DNAH17: variants seen among roughly 807,000 people sequenced by gnomAD.
DNAH17 encodes the protein axonemal beta dynein heavy chain 17.
DNAH17 carries 376 observed loss-of-function variants against 485.6 expected under a neutral mutation model. The observed-to-expected ratio is 0.77, with a 90% CI of 0.71 to 0.84. DNAH17 has a LOEUF of 0.84. Among genes scored for constraint, DNAH17 ranks in the 40% least tolerant of loss-of-function variants. DNAH17 has a pLI of 0.00. For missense variants in DNAH17, 6,370 were observed against 5,839.3 expected (o/e 1.09, Z -2.96); for synonymous variants, 3,031 against 2,405.9 (o/e 1.26, Z -7.60).
intron 2 of DNAH17, among the ~76,000 whole-genome samples, chr17:78,573,809 A>G (rs2092395249): frequency 6.6e-6 from 1 of 151,602 alleles, no homozygotes; most frequent in African/African-American, 2.4e-5. Flanking sequence ...TCTAGCCTCC[A>G]GGACTGTGAG....
chr17:78,525,029 G>T lies in DNAH17; in HGVS notation c.3844C>A (p.Leu1282Ile). Residue 1282 changes from leucine (L) to isoleucine (I), a missense_variant, in exon 25 of 81, where the codon CTC becomes ATC. Leu to Ile is a conservative substitution (Grantham distance 5). Transcript: ENST00000389840. ...CHREVRLLKELWDMVVVVNTS... is the reference protein window; with the variant it reads ...CHREVRLLKEIWDMVVVVNTS... ...CTCACCACAACAACCATGTCCCAGA[G>T]CTCCTTCAGTAGGCGGACCTCCCGG... is the stretch of plus-strand genomic sequence containing the variant. 2.5e-6 allele frequency: 4 copies of T among 1,613,508 alleles called. No homozygotes were observed. The highest frequency in any genetic ancestry group is 3.4e-6 in the Non-Finnish European group (4 of 1,179,672).
At chr17:78,461,300 G>A (rs1364282344) in intron 58 of DNAH17, among the ~76,000 whole-genome samples, 3 of 152,208 alleles carry the variant, frequency 2.0e-5, no homozygotes, top group Non-Finnish European at 4.4e-5. Context: ...CTGTAGGCTG[G>A]GGGCTGAACA....
chr17:78,519,835 C>T (rs1485245978), intron 25 of DNAH17, among the ~76,000 whole-genome samples: 1 of 152,200 alleles, frequency 6.6e-6, no homozygotes, highest in South Asian at 2.1e-4. Flanking sequence ...AATGGCCGGG[C>T]ATGGTGGCTC....
intron 36 of DNAH17, 184 bp downstream of exon 36, chr17:78,500,121 T>C (rs925050731): frequency 3.0e-5 from 19 of 643,712 alleles, no homozygotes; most frequent in Non-Finnish European, 4.6e-5. Flanking sequence ...CCTGGAAGTC[T>C]TTCCAGAGGG....
At chr17:78,488,647 A>G (rs1311014658) in intron 44 of DNAH17, among the ~76,000 whole-genome samples, 5 of 152,128 alleles carry the variant, frequency 3.3e-5, no homozygotes, top group African/African-American at 1.2e-4. Context: ...TGGTGGTGCT[A>G]CAAAAGAATG....
rs762660048 is a variant in DNAH17, at chr17:78,507,510, G to T, written c.4532C>A (p.Thr1511Asn). 1 of 1,613,794 alleles carries T rather than the reference G, an allele frequency of 6.2e-7. No homozygotes were observed. The highest frequency in any genetic ancestry group is 1.1e-5 in the South Asian group (1 of 91,092). Residue 1511 changes from threonine to asparagine, a missense_variant, in exon 28 of 81, where the codon ACC becomes AAC. Transcript: ENST00000389840. ...SIFIGSEDIR[T>N]QLPGDSQRFD... ...GCGCTGGGAGTCCCCCGGGAGCTGGGTGCGGATGTCTTCGGAGCCGATGAA... is the reference window on the plus strand; with the variant it reads ...GCGCTGGGAGTCCCCCGGGAGCTGGTTGCGGATGTCTTCGGAGCCGATGAA...
chr17:78,546,195 G>T (rs1439122026), intron 16 of DNAH17, among the ~76,000 whole-genome samples: 2 of 152,122 alleles, frequency 1.3e-5, no homozygotes, highest in Non-Finnish European at 2.9e-5. Flanking sequence ...CAAAGTGTTT[G>T]GACTACAGGC....
At chr17:78,478,011 TCATCAC>T (rs1217301244) in intron 51 of DNAH17, among the ~76,000 whole-genome samples, 3 of 84,100 alleles carry the variant, frequency 3.6e-5, no homozygotes, top group Non-Finnish European at 6.5e-5. Flanking sequence ...ATCATCACCA[TCATCAC>T]CATCACCACC....
intron 42 of DNAH17, 58 bp downstream of exon 42, chr17:78,492,575 G>A (rs996227670): frequency 6.3e-6 from 10 of 1,594,742 alleles, no homozygotes; most frequent in Middle Eastern, 1.7e-4. Flanking sequence ...CTGAGCACAC[G>A]CTCACTGCAC....
chr17:78,514,646 G>A (rs535227198), intron 26 of DNAH17, 128 bp downstream of exon 26: 4 of 1,309,142 alleles, frequency 3.1e-6, no homozygotes, highest in Non-Finnish European at 4.1e-6. Context: ...CACGAAGCCA[G>A]CCCTGCCCAC....
Position 78,526,946 on chromosome 17 carries a change from C to A in DNAH17, c.3558G>T (p.Lys1186Asn). 1 of 1,589,132 alleles carries A rather than the reference C, an allele frequency of 6.3e-7. No homozygotes were observed. Among genetic ancestry groups the A allele is most frequent in the Non-Finnish European group, 8.6e-7 (1 of 1,167,520 alleles). Residue 1186 changes from lysine to asparagine, a missense_variant, in exon 23 of 81, where the codon AAG (lysine) becomes AAT (asparagine). Coordinates refer to ENST00000389840, the MANE Select transcript of DNAH17 (RefSeq NM_173628.4). Reference protein sequence around the residue: ...ANTKKLAIQVKLTVAPLQANE... With the variant: ...ANTKKLAIQVNLTVAPLQANE... ...TGGCCTGGAGTGGTGCCACGGTCAG[C>A]TTCACCTGAATGGCCAGTTTCTTGG...
chr17:78,555,790 G>A (rs979109315), intron 14 of DNAH17, among the ~76,000 whole-genome samples: 5 of 152,206 alleles, frequency 3.3e-5, no homozygotes, highest in Non-Finnish European at 5.9e-5. Flanking sequence ...GCCCTCCCCA[G>A]TGTGGGTGGG....
chr17:78,481,650 A>C (rs993922865), intron 48 of DNAH17, among the ~76,000 whole-genome samples: 1 of 152,222 alleles, frequency 6.6e-6, no homozygotes, highest in African/African-American at 2.4e-5. Flanking sequence ...AGTACCTGAC[A>C]TACAGTAAGT....
intron 7 of DNAH17, among the ~76,000 whole-genome samples, chr17:78,569,934 C>CG (rs59077176): frequency 0.058 from 8,843 of 152,222 alleles, 603 homozygotes; most frequent in African/African-American, 0.17. Flanking sequence ...CTAAGGGAGA[C>CG]GGAAGGTGGT....
chr17:78,450,433 T>C, intron 67 of DNAH17, 39 bp from the exon 68 acceptor site: 3 of 1,610,306 alleles, frequency 1.9e-6, no homozygotes, highest in Non-Finnish European at 2.5e-6. Flanking sequence ...ACACAGCAGA[T>C]GGGCAGTGCC....
intron 11 of DNAH17, among the ~76,000 whole-genome samples, chr17:78,563,513 C>T (rs1598735470): frequency 6.6e-6 from 1 of 151,784 alleles, no homozygotes. Context: ...GACCCATCAT[C>T]CAGACAACCG....
At chr17:78,535,665 C>T (rs949913548) in intron 19 of DNAH17, among the ~76,000 whole-genome samples, 5 of 152,206 alleles carry the variant, frequency 3.3e-5, no homozygotes, top group Admixed American at 2.0e-4. Context: ...TGAGAGGAAA[C>T]GCCTGCAGCC....
intron 56 of DNAH17, among the ~76,000 whole-genome samples, chr17:78,464,563 C>T (rs1054135237): frequency 1.9e-4 from 29 of 152,210 alleles, no homozygotes; most frequent in Admixed American, 1.5e-3. Flanking sequence ...CCCCAGCCCT[C>T]GGCACCATCT....
intron 60 of DNAH17, among the ~76,000 whole-genome samples, 160 bp downstream of exon 60, chr17:78,459,623 CT>C: frequency 6.6e-6 from 1 of 152,332 alleles, no homozygotes; most frequent in Middle Eastern, 3.4e-3. Context: ...CGCTGCTGAG[CT>C]TGTCAGCTGT....
Sources: allele counts gnomAD v4.1 joint callset (sites outside exome capture counted in the v4.1 genomes callset), GRCh38; gene constraint gnomAD v4.1.1; transcripts MANE v1.5; gene names NCBI Gene and HGNC (gene_info 2026-07-23, HGNC 2026-07-21).